The following TMEM45A variants were observed in gnomAD, a reference collection of about 807,000 sequenced individuals.
TMEM45A encodes the protein DNA polymerase-transactivated protein 4.
Under a neutral mutation model 32.0 loss-of-function variants are expected in TMEM45A, and 25 were observed. That is an observed-to-expected ratio of 0.78 (90% confidence interval 0.57 to 1.09). The LOEUF is 1.09. TMEM45A is among the 50% of genes least tolerant of loss of function. The probability of loss-of-function intolerance (pLI) is 0.00; values close to 1 mark genes in which losing one functional copy is unlikely to be tolerated. For synonymous variants in TMEM45A, 122 were observed against 114.8 expected (o/e 1.06, Z -0.40); for missense variants, 302 against 325.0 (o/e 0.93, Z 0.54).
At chr3:100,574,031 G>A (rs545822155) in intron 5 of TMEM45A, 4 of 152,278 alleles carry the variant, frequency 2.6e-5, no homozygotes, top group African/African-American at 7.2e-5. Context: ...TTGCATCCAT[G>A]TTCATCAAGG....
Position 100,523,380 on chromosome 3 carries a change from CATTT to C in TMEM45A, c.-4+30458_-4+30461del, listed in dbSNP as rs1459246488. On this transcript the variant is annotated intron_variant, in intron 1 of 5. Transcript: ENST00000323523. ...CTATGGGCTCATCCATCCATTCATT[CATTT>C]ATTTACTCGTTTAACAACCCTATTC... Among the ~76,000 whole-genome samples, 18 of 152,204 alleles carry C rather than the reference CATTT, an allele frequency of 1.2e-4. 1 individual carries two copies. Among genetic ancestry groups the C allele is most frequent in the Non-Finnish European group, 1.9e-4 (13 of 68,034 alleles).
At chr3:100,505,984 T>C (rs1470876867) in intron 1 of TMEM45A, among the ~76,000 whole-genome samples, 1 of 152,024 alleles carries the variant, frequency 6.6e-6, no homozygotes, top group Admixed American at 6.6e-5. Flanking sequence ...GAGAGCTGCA[T>C]GGAGAGAGAG....
chr3:100,527,439 C>CT (rs1276443111), intron 1 of TMEM45A, among the ~76,000 whole-genome samples: 5 of 151,908 alleles, frequency 3.3e-5, no homozygotes, highest in East Asian at 1.9e-4. Context: ...AGACTTTGGC[C>CT]TTTTTTTTCT....
At chr3:100,554,521 T>C (rs752845657) in intron 1 of TMEM45A, among the ~76,000 whole-genome samples, 8 of 152,226 alleles carry the variant, frequency 5.3e-5, no homozygotes, top group East Asian at 1.9e-4. Flanking sequence ...GTTCAACTTA[T>C]AGTGTATTAG....
intron 1 of TMEM45A, among the ~76,000 whole-genome samples, chr3:100,495,891 G>A (rs566502569): frequency 1.1e-4 from 16 of 152,244 alleles, no homozygotes; most frequent in African/African-American, 2.4e-4. Flanking sequence ...CCGCATACAC[G>A]CCCATAGTGT....
At chr3:100,514,142 A>T (rs2148940244) in intron 1 of TMEM45A, among the ~76,000 whole-genome samples, 1 of 152,276 alleles carries the variant, frequency 6.6e-6, no homozygotes, top group South Asian at 2.1e-4. Context: ...GTTCATATGG[A>T]ACCAAAAAAG....
At chr3:100,527,385 C>A (rs1261783918) in intron 1 of TMEM45A, among the ~76,000 whole-genome samples, 1 of 152,158 alleles carries the variant, frequency 6.6e-6, no homozygotes, top group Non-Finnish European at 1.5e-5. Context: ...ATAGTGCCAT[C>A]ATTCTCAGCT....
At chr3:100,502,246 T>C (rs1446323760) in intron 1 of TMEM45A, among the ~76,000 whole-genome samples, 3 of 151,916 alleles carry the variant, frequency 2.0e-5, no homozygotes, top group South Asian at 2.1e-4. Flanking sequence ...TCTCCTGATA[T>C]GTCCTTTCAA....
intron 4 of TMEM45A, among the ~76,000 whole-genome samples, chr3:100,558,841 T>C (rs554235039): frequency 6.6e-6 from 1 of 152,330 alleles, no homozygotes; most frequent in African/African-American, 2.4e-5. Flanking sequence ...TCTGAGCCGA[T>C]GCTTTTAGTT....
At chr3:100,506,518 C>A (rs191487988) in intron 1 of TMEM45A, among the ~76,000 whole-genome samples, 65 of 152,280 alleles carry the variant, frequency 4.3e-4, no homozygotes, top group African/African-American at 1.5e-3. Context: ...ACAGTTTAAA[C>A]CTTCAGTGTA....
At chr3:100,501,005 A>C (rs1032318141) in intron 1 of TMEM45A, among the ~76,000 whole-genome samples, 14 of 152,276 alleles carry the variant, frequency 9.2e-5, no homozygotes, top group Non-Finnish European at 1.3e-4. Context: ...TACTTGTAAA[A>C]TTCCACAGGC....
intron 1 of TMEM45A, among the ~76,000 whole-genome samples, chr3:100,543,623 C>A (rs950672864): frequency 6.6e-6 from 1 of 152,094 alleles, no homozygotes; most frequent in African/African-American, 2.4e-5. Flanking sequence ...GATTATTGGA[C>A]AATTAGTGTT....
At chr3:100,529,723 A>G (rs1705611385) in intron 1 of TMEM45A, among the ~76,000 whole-genome samples, 1 of 152,064 alleles carries the variant, frequency 6.6e-6, no homozygotes, top group African/African-American at 2.4e-5. Context: ...CAGGCTCAAG[A>G]GATTCTCCCA....
intron 1 of TMEM45A, among the ~76,000 whole-genome samples, chr3:100,508,962 A>G (rs1708116336): frequency 6.6e-6 from 1 of 152,200 alleles, no homozygotes; most frequent in African/African-American, 2.4e-5. Flanking sequence ...ACAAAAATAG[A>G]CAAGTGGGGT....
chr3:100,499,703 C>G (rs1040599475), intron 1 of TMEM45A, among the ~76,000 whole-genome samples: 2 of 152,096 alleles, frequency 1.3e-5, no homozygotes, highest in African/African-American at 4.8e-5. Flanking sequence ...ATAGCGAAAC[C>G]CCATCTCTAG....
At chr3:100,519,312 G>T (rs1705379835) in intron 1 of TMEM45A, 7 of 525,478 alleles carry the variant, frequency 1.3e-5, no homozygotes, top group Non-Finnish European at 2.4e-5. Flanking sequence ...AGAGGTAAAA[G>T]TGTGGTAAGT....
intron 1 of TMEM45A, among the ~76,000 whole-genome samples, chr3:100,497,474 G>T (rs1170039847): frequency 2.0e-5 from 3 of 152,056 alleles, no homozygotes; most frequent in Non-Finnish European, 4.4e-5. Flanking sequence ...CATTCACATT[G>T]TGTGTAACCA....
At chr3:100,551,771 C>T (rs1170508151) in intron 1 of TMEM45A, among the ~76,000 whole-genome samples, 2 of 152,184 alleles carry the variant, frequency 1.3e-5, no homozygotes, top group Non-Finnish European at 2.9e-5. Flanking sequence ...TTGTTTGGAT[C>T]TTTAAACAGA....
intron 1 of TMEM45A, among the ~76,000 whole-genome samples, chr3:100,535,320 G>A (rs1490964484): frequency 6.6e-6 from 1 of 151,914 alleles, no homozygotes; most frequent in African/African-American, 2.4e-5. Context: ...CACCATGTTG[G>A]CCAGGCTGGT....
Sources: gnomAD v4.1 joint callset for allele counts (sites outside exome capture counted in the v4.1 genomes callset) on GRCh38, gnomAD v4.1.1 for gene constraint, MANE v1.5 for transcripts, NCBI Gene and HGNC (gene_info 2026-07-23, HGNC 2026-07-21) for gene names.